Variants in PM20D1 observed in about 807,000 individuals in gnomAD.
PM20D1 encodes the protein N-fatty-acyl-amino acid synthase/hydrolase PM20D1.
In PM20D1, 53 loss-of-function variants were observed where a neutral mutation model predicts 53.8. The observed-to-expected ratio is 0.98, with a 90% confidence interval of 0.79 to 1.24. The LOEUF is 1.24. PM20D1 is among the 50% of genes most tolerant of loss of function. PM20D1 has a pLI of 0.00. For missense variants in PM20D1, 564 were observed against 616.8 expected (o/e 0.91, Z 0.91); for synonymous variants, 239 against 241.3 (o/e 0.99, Z 0.09).
intron 2 of PM20D1, among the ~76,000 whole-genome samples, chr1:205,846,018 G>A (rs2102531472): frequency 6.7e-6 from 1 of 148,742 alleles, no homozygotes; most frequent in African/African-American, 2.5e-5. Context: ...GGGAGGCAGA[G>A]TTTGCAGTGA....
Position 205,840,258 on chromosome 1 carries a change from G to C in PM20D1, c.1110C>G (p.Val370=), listed in dbSNP as rs765618030. Reference sequence around the variant, plus strand: ...TGGAACATATGGTACATACCTCTTGGACTGTCTGTCCAGGGTGAATCCGGA... The same window carrying C: ...TGGAACATATGGTACATACCTCTTGCACTGTCTGTCCAGGGTGAATCCGGA... ...VNFRIHPGQT[V]QEVLELTKNI... The change falls in exon 10 of 13, where the codon GTC becomes GTG. Residue 370 remains valine (V), a synonymous_variant. Transcript: ENST00000367136. 16 of 1,613,562 alleles carry C rather than the reference G, an allele frequency of 9.9e-6. No individual in the cohort carries two copies. The highest frequency in any genetic ancestry group is 1.7e-4 in the Middle Eastern group (1 of 6,058).
chr1:205,841,801 G>A lies in PM20D1; in HGVS notation c.1044+10C>T. On this transcript the variant is annotated intron_variant, in intron 9 of 12. Coordinates refer to ENST00000367136, the MANE Select transcript of PM20D1 (RefSeq NM_152491.5). ...GGAAAAGCTATATGGGGAGGAACCA[G>A]GGATGTTACCTTGACCCCTGCTTTG... 1 of 1,559,938 alleles carries A rather than the reference G, an allele frequency of 6.4e-7. No homozygotes were observed. The highest frequency in any genetic ancestry group is 8.7e-7 in the Non-Finnish European group (1 of 1,149,788).
At chr1:205,839,794 C>A (rs1368717164) in intron 10 of PM20D1, among the ~76,000 whole-genome samples, 1 of 151,016 alleles carries the variant, frequency 6.6e-6, no homozygotes, top group African/African-American at 2.4e-5. Flanking sequence ...GCCTATAGTC[C>A]CAGCTACTTG....
At chr1:205,848,560 C>T (rs1309071486) in intron 1 of PM20D1, among the ~76,000 whole-genome samples, 3 of 152,294 alleles carry the variant, frequency 2.0e-5, no homozygotes, top group Middle Eastern at 3.4e-3. Context: ...AATAATCTCA[C>T]CCTCCTTACT....
At chr1:205,832,148 G>A (rs148362033) in intron 11 of PM20D1, among the ~76,000 whole-genome samples, 1 of 152,314 alleles carries the variant, frequency 6.6e-6, no homozygotes, top group East Asian at 1.9e-4. Context: ...GAGGGGTGCT[G>A]CTGGGATTGG....
At chr1:205,842,483 G>A (rs952791521) in intron 7 of PM20D1, among the ~76,000 whole-genome samples, 193 bp downstream of exon 7, 15 of 152,194 alleles carry the variant, frequency 9.9e-5, no homozygotes, top group Admixed American at 1.3e-4. Flanking sequence ...TAGGTCTTAG[G>A]GTCTCAGAAA....
At chr1:205,832,884 A>G in intron 10 of PM20D1, 118 bp from the exon 11 acceptor site, 1 of 1,213,302 alleles carries the variant, frequency 8.2e-7, no homozygotes, top group Non-Finnish European at 1.1e-6. Context: ...TACAGACAGG[A>G]CTTATTTTTT....
chr1:205,847,297 T>C (rs1213061194), intron 2 of PM20D1, among the ~76,000 whole-genome samples: 1 of 94,174 alleles, frequency 1.1e-5, no homozygotes, highest in Non-Finnish European at 2.1e-5. Flanking sequence ...TTTAGGAAGG[T>C]AATCTCATCA....
chr1:205,834,094 C>T (rs1490193954), intron 10 of PM20D1, among the ~76,000 whole-genome samples: 3 of 151,574 alleles, frequency 2.0e-5, no homozygotes, highest in African/African-American at 2.4e-5. Context: ...GTGATCTGCC[C>T]GCCTTGGCCT....
chr1:205,843,747 C>G lies in PM20D1; in HGVS notation c.747G>C (p.Leu249=), dbSNP rs368139675. The change falls in exon 6 of 13, where the codon CTG becomes CTC. Residue 249 remains leucine (L), a synonymous_variant. Coordinates refer to ENST00000367136, the MANE Select transcript of PM20D1 (RefSeq NM_152491.5). ...AGTGGCCTGAAGTCATGTTTACTTG[C>G]AGCATGAGGTTCATGGAACCCTTCT... The part of the protein sequence containing the change: ...VSEKGSMNLM[L]QVNMTSGHSS... 2.5e-6 allele frequency: 4 copies of G among 1,613,972 alleles called. No homozygotes were observed. In the African/African-American group the frequency reaches 5.3e-5, roughly 22 times the overall value.
Position 205,845,571 on chromosome 1 carries a change from G to A in PM20D1, c.257-14C>T. 1 of 1,603,298 alleles carries A rather than the reference G, an allele frequency of 6.2e-7. No individual in the cohort carries two copies. Among genetic ancestry groups the A allele is most frequent in the South Asian group, 1.1e-5 (1 of 90,800 alleles). ...CTGTAGGAAAGACTAGAAGCAAAAAGGGCAGGAAGAGAGAACCAGGGTTAA... is the reference window on the plus strand; with the variant it reads ...CTGTAGGAAAGACTAGAAGCAAAAAAGGCAGGAAGAGAGAACCAGGGTTAA... On this transcript the variant is annotated splice_polypyrimidine_tract_variant and intron_variant, in intron 2 of 12. Transcript: ENST00000367136.
At chr1:205,839,910 C>CAAAAAAA (rs567749262) in intron 10 of PM20D1, among the ~76,000 whole-genome samples, 8 of 58,092 alleles carry the variant, frequency 1.4e-4, no homozygotes, top group East Asian at 1.1e-3. Flanking sequence ...GACTCTGACT[C>CAAAAAAA]AAAAAAAAAA....
chr1:205,848,190 T>G (rs79350328), intron 1 of PM20D1, among the ~76,000 whole-genome samples: 8,398 of 152,232 alleles, frequency 0.055, 302 homozygotes, highest in African/African-American at 0.092. Flanking sequence ...GACTATAGAT[T>G]TAAACCTATG....
intron 8 of PM20D1, 118 bp from the exon 9 acceptor site, chr1:205,842,007 A>T: frequency 3.3e-6 from 4 of 1,201,176 alleles, no homozygotes; most frequent in Non-Finnish European, 4.8e-6. Flanking sequence ...GAGACGTCTT[A>T]GAGATGTCTT....
chr1:205,830,453 T>C, intron 11 of PM20D1, 74 bp from the exon 12 acceptor site: 1 of 1,090,742 alleles, frequency 9.2e-7, no homozygotes, highest in Non-Finnish European at 1.4e-6. Context: ...GGGTGTGGCC[T>C]GGCTGGAAAA....
rs750334968 is a variant in PM20D1 at position 205,844,233 on chromosome 1, A to G, written c.577-16T>C. The G allele has an allele frequency of 5.0e-6, 8 of 1,595,922 alleles. No homozygotes were observed. The highest frequency in any genetic ancestry group is 6.8e-6 in the Non-Finnish European group (8 of 1,169,484). On this transcript the variant is annotated splice_polypyrimidine_tract_variant and intron_variant, in intron 4 of 12. Transcript: ENST00000367136. Reference sequence around the variant, plus strand: ...TCCCTGATGACTGCAGACATGGAACATAGAGCTATAGTCCTTCTCAGCCAG... The same window carrying G: ...TCCCTGATGACTGCAGACATGGAACGTAGAGCTATAGTCCTTCTCAGCCAG...
chr1:205,842,102 G>C, intron 8 of PM20D1, 52 bp downstream of exon 8: 1 of 1,538,604 alleles, frequency 6.5e-7, no homozygotes, highest in Non-Finnish European at 9.0e-7. Flanking sequence ...GGGCCTGGGG[G>C]GTGGGTAGGT....
In PM20D1 at chr1:205,832,618, T is replaced by C; in HGVS notation, c.1265A>G (p.Glu422Gly). The C allele has an allele frequency of 6.2e-7, 1 of 1,614,044 alleles. No individual in the cohort carries two copies. The highest frequency in any genetic ancestry group is 8.5e-7 in the Non-Finnish European group (1 of 1,179,994). ...ATTACCTGGGGCAGTAATATTGACTTCCGGGAAGACGGACTGTACGGTCTG... is the reference window on the plus strand; with the variant it reads ...ATTACCTGGGGCAGTAATATTGACTCCCGGGAAGACGGACTGTACGGTCTG... Reference protein sequence around the residue: ...LRQTVQSVFPEVNITAPVTSI... With the variant: ...LRQTVQSVFPGVNITAPVTSI... The change falls in exon 11 of 13, where the codon GAA becomes GGA. Residue 422 changes from glutamate (E) to glycine (G), a missense_variant. By Grantham distance (98) the Glu-to-Gly change is moderately conservative (BLOSUM62 -2). Transcript: ENST00000367136.
At chr1:205,847,715 A>G (rs1220224102) in intron 2 of PM20D1, among the ~76,000 whole-genome samples, 170 bp downstream of exon 2, 1 of 151,834 alleles carries the variant, frequency 6.6e-6, no homozygotes. Flanking sequence ...TTTGCCCTAC[A>G]TATGGTGGCT....
Sources: gnomAD v4.1 joint callset for allele counts (sites outside exome capture counted in the v4.1 genomes callset) on GRCh38, gnomAD v4.1.1 for gene constraint, MANE v1.5 for transcripts, NCBI Gene and HGNC (gene_info 2026-07-23, HGNC 2026-07-21) for gene names.